COL5A3: variants seen among roughly 807,000 people sequenced by gnomAD.
COL5A3 encodes collagen alpha-3(V) chain.
COL5A3 carries 172 observed loss-of-function variants against 250.0 expected under a neutral mutation model. That is an observed-to-expected ratio of 0.69 (90% CI 0.61 to 0.78). COL5A3 has a LOEUF of 0.78. COL5A3 is among the 30% of genes least tolerant of loss of function. The probability of loss-of-function intolerance (pLI) is 0.00; values close to 1 mark genes in which losing one functional copy is unlikely to be tolerated. For synonymous variants in COL5A3, 937 were observed against 900.4 expected (o/e 1.04, Z -0.73); for missense variants, 2,340 against 2,334.4 (o/e 1.00, Z -0.05).
intron 55 of COL5A3, 43 bp from the exon 56 acceptor site, chr19:9,969,725 T>C (rs766660039): frequency 6.3e-7 from 1 of 1,581,278 alleles, no homozygotes; most frequent in Non-Finnish European, 8.6e-7. Context: ...GTCAGAGGGT[T>C]CCTGCCTCCT....
rs527263708 is a variant in COL5A3 at position 9,977,253 on chromosome 19, C to A, written c.3264G>T (p.Gly1088=). Residue 1088 remains glycine (G), a synonymous_variant, in exon 44 of 67, where the codon GGG becomes GGT. Transcript: ENST00000264828. ...CCGCGTCTCCTTTATCGCCTTTACTCCCCTTGTGTCCGGGGGCACCCACAT... is the reference window on the plus strand; with the variant it reads ...CCGCGTCTCCTTTATCGCCTTTACTACCCTTGTGTCCGGGGGCACCCACAT... ...KGDVGAPGHK[G]SKGDKGDAGP... 3.1e-5 allele frequency: 50 copies of A among 1,613,934 alleles called. No individual in the cohort carries two copies. The South Asian group carries it at 4.9e-4, about 16-fold the overall frequency.
chr19:9,975,566 G>A (rs2086907579), intron 45 of COL5A3, among the ~76,000 whole-genome samples: 1 of 152,184 alleles, frequency 6.6e-6, no homozygotes, highest in Non-Finnish European at 1.5e-5. Flanking sequence ...CCAGATTCTG[G>A]GGTTGAGTCC....
chr19:9,988,855 A>AAAAAAAAAAAAAAAGAGAGAGAGAAAG (rs1269531312), intron 27 of COL5A3, among the ~76,000 whole-genome samples: 4 of 104,718 alleles, frequency 3.8e-5, no homozygotes, highest in South Asian at 6.0e-4. Context: ...AAAAAAAAAA[A>AAAAAAAAAAAAAAAGAGAGAGAGAAAG]AAAGAAAGTA....
At chr19:9,982,258 A>G (rs777326814) in intron 31 of COL5A3, 140 bp from the exon 32 acceptor site, 3 of 594,198 alleles carry the variant, frequency 5.0e-6, no homozygotes, top group South Asian at 2.1e-5. Flanking sequence ...CCAGCCTCCT[A>G]CAAGGCAGCC....
rs3815747 is a variant in COL5A3 at position 9,968,337 on chromosome 19, G to A, written c.4314+48C>T. ...ACCCCACACCCACAGTCTCTCAACC[G>A]ACCCCCTCCTTCAAATGCATTCTTC... is the stretch of plus-strand genomic sequence containing the variant. On this transcript the variant is annotated intron_variant, in intron 59 of 66. Coordinates refer to ENST00000264828, the MANE Select transcript of COL5A3 (RefSeq NM_015719.4). The surrounding 1 kb of genome is among the most constrained non-coding windows in gnomAD (Gnocchi z 4.1). 4.4e-5 allele frequency: 57 copies of A among 1,310,118 alleles called. No individual in the cohort carries two copies. The highest frequency in any genetic ancestry group is 2.0e-4 in the Middle Eastern group (1 of 5,114). The allele number at this position is 1,310,118 out of a possible 1,614,324, so 81.2% of individuals were successfully genotyped here.
At chr19:9,962,688 G>T in intron 65 of COL5A3, 131 bp downstream of exon 65, 2 of 646,750 alleles carry the variant, frequency 3.1e-6, no homozygotes, top group Non-Finnish European at 2.7e-6. Context: ...CCCACCTCCA[G>T]CTTGCGATCC....
rs749585202 is a variant in COL5A3 at position 10,001,525 on chromosome 19, G to A, written c.1109C>T (p.Pro370Leu). 38 of 1,613,750 alleles carry A rather than the reference G, an allele frequency of 2.4e-5. No homozygotes were observed. The Admixed American group carries it at 5.2e-4, about 22-fold the overall frequency. Residue 370 changes from proline (P) to leucine (L), a missense_variant and splice_region_variant, in exon 8 of 67, where the codon CCT becomes CTT. Physicochemically the swap from Pro to Leu is moderately conservative, Grantham distance 98. This residue lies in a region of COL5A3 where 1,152 missense variants were observed against 1,146.3 expected (regional missense o/e 1.00). Transcript: ENST00000264828. Reference sequence around the variant, plus strand: ...AACCCCAGCCACCTAGAAACTCACAGGAAAGATCTGGAACTGAGTCCGAGA... The same window carrying A: ...AACCCCAGCCACCTAGAAACTCACAAGAAAGATCTGGAACTGAGTCCGAGA... ...YPSRTQFQIFPGAGEKGAKGE... is the reference protein window; with the variant it reads ...YPSRTQFQIFLGAGEKGAKGE...
chr19:9,995,950 A>T (rs1350561015), intron 15 of COL5A3, 116 bp downstream of exon 15: 1 of 1,047,008 alleles, frequency 9.6e-7, no homozygotes, highest in Admixed American at 2.6e-5. Context: ...TAGGAAAGTC[A>T]TCAATTGCAA....
chr19:9,973,083 T>C, intron 50 of COL5A3, 57 bp from the exon 51 acceptor site: 3 of 1,453,736 alleles, frequency 2.1e-6, no homozygotes, highest in Non-Finnish European at 2.8e-6. Flanking sequence ...GATCAAGGAT[T>C]AGCATACTTG....
At position 9,991,598 on chromosome 19, in the gene COL5A3, G is replaced by A; in HGVS notation, c.1992+12C>T. 6.3e-7 allele frequency: 1 copy of A among 1,583,154 alleles called. No homozygotes were observed. The highest frequency in any genetic ancestry group is 8.6e-7 in the Non-Finnish European group (1 of 1,164,180). On this transcript the variant is annotated intron_variant, in intron 24 of 66. Coordinates refer to ENST00000264828, the MANE Select transcript of COL5A3 (RefSeq NM_015719.4). Reference sequence around the variant, plus strand: ...ACTTGAGGAGGTCGCGGTAGGTGGAGCTGTCACTCACCTTCTCCCCAGGAG... The same window carrying A: ...ACTTGAGGAGGTCGCGGTAGGTGGAACTGTCACTCACCTTCTCCCCAGGAG...
Position 9,970,728 on chromosome 19 carries a change from G to C in COL5A3, c.3883-53C>G. ...GTCTCAGCTAACATTGTTTGAGCCT[G>C]ACTGTTTTAGGACGCCTTGGACCAG... On this transcript the variant is annotated intron_variant, in intron 53 of 66. Coordinates refer to ENST00000264828, the MANE Select transcript of COL5A3 (RefSeq NM_015719.4). 3 of 1,354,856 alleles carry C rather than the reference G, an allele frequency of 2.2e-6. No homozygotes were observed. In the South Asian group the frequency reaches 5.5e-5, roughly 25 times the overall value. 83.9% of individuals were successfully genotyped at this position (1,354,856 alleles called of 1,614,324 possible). A position where few individuals can be genotyped will look rare whatever the true frequency, so the allele number is the denominator to read the frequency against.
chr19:9,971,090 G>T (rs1307694387), intron 52 of COL5A3, 62 bp from the exon 53 acceptor site: 1 of 1,448,794 alleles, frequency 6.9e-7, no homozygotes, highest in African/African-American at 1.5e-5. Flanking sequence ...TTGGGATGGG[G>T]CTGGGAGGCA....
intron 54 of COL5A3, 22 bp from the exon 55 acceptor site, chr19:9,969,944 G>GC: frequency 2.7e-6 from 4 of 1,490,914 alleles, no homozygotes; most frequent in African/African-American, 2.5e-5. Context: ...AAGACAGTGA[G>GC]GGGGGTCTAG....
intron 61 of COL5A3, 75 bp downstream of exon 61, chr19:9,967,829 A>G (rs35354203): frequency 0.17 from 240,170 of 1,400,308 alleles, 23,429 homozygotes; most frequent in South Asian, 0.37. Context: ...GAAGGCAGAG[A>G]CGTGGAGGGT....
rs540600490 is a variant in COL5A3 at position 9,985,290 on chromosome 19, C to T, written c.2406+552G>A. 3.2e-3 allele frequency among the ~76,000 whole-genome samples: 431 copies of T among 136,678 alleles called. 1 individual carries two copies. Among genetic ancestry groups the T allele is most frequent in the African/African-American group, 0.011 (402 of 35,902 alleles). The allele number at this position is 136,678 out of a possible 152,430, so 89.7% of individuals were successfully genotyped here. On this transcript the variant is annotated intron_variant, in intron 31 of 66. Coordinates refer to ENST00000264828, the MANE Select transcript of COL5A3 (RefSeq NM_015719.4). The stretch of plus-strand genomic sequence containing the variant: ...TTTTTTTTTTTTTTAGATGGAGTTT[C>T]GTTCTTGTTGCCCAGGCTGGAGTGC...
Position 9,980,679 on chromosome 19 carries a change from T to C in COL5A3, c.2573A>G (p.Gln858Arg). ...GQPGPKGDVG[Q>R]DGAPGIPGEK... is the part of the protein sequence containing the mutation. ...TCCAGGGATCCCAGGGGCTCCATCC[T>C]GGCCCACATCGCCCTAGGACAGAGT... The change falls in exon 35 of 67, where the codon CAG becomes CGG. Residue 858 changes from glutamine (Q) to arginine (R), a missense_variant. By Grantham distance (43) the Gln-to-Arg change is conservative (BLOSUM62 1). Coordinates refer to ENST00000264828, the MANE Select transcript of COL5A3 (RefSeq NM_015719.4). 6.2e-7 allele frequency: 1 copy of C among 1,613,966 alleles called. No individual in the cohort carries two copies. Among genetic ancestry groups the C allele is most frequent in the African/African-American group, 1.3e-5 (1 of 74,956 alleles).
chr19:9,970,523 GT>G, intron 54 of COL5A3, 98 bp downstream of exon 54: 1 of 664,922 alleles, frequency 1.5e-6, no homozygotes. Flanking sequence ...GGTGTGTGGG[GT>G]CTGTGGGGTG....
chr19:9,966,314 G>GATCT lies in COL5A3; in HGVS notation c.4778_4781dup (p.Val1595AspfsTer17). 1 of 1,604,538 alleles carries GATCT rather than the reference G, an allele frequency of 6.2e-7. No individual in the cohort carries two copies. Among genetic ancestry groups the GATCT allele is most frequent in the South Asian group, 1.1e-5 (1 of 89,440 alleles). ...GCGATGAGAGGTTTGGGTTACTCACGATCTCAAACTTCTTGTCGGGATAGA... is the reference window on the plus strand; with the variant it reads ...GCGATGAGAGGTTTGGGTTACTCACGATCTATCTCAAACTTCTTGTCGGGATAGA... On this transcript the variant is annotated frameshift_variant and splice_region_variant, in exon 64 of 67. Coordinates refer to ENST00000264828, the MANE Select transcript of COL5A3 (RefSeq NM_015719.4). LOFTEE classifies it high-confidence loss of function.
intron 8 of COL5A3, among the ~76,000 whole-genome samples, chr19:10,000,451 TC>T: frequency 8.6e-6 from 1 of 116,034 alleles, no homozygotes; most frequent in Admixed American, 9.2e-5. Context: ...GCCAGAGAGC[TC>T]TTTTTTTTTT....
Sources: gnomAD v4.1 joint callset for allele counts (sites outside exome capture counted in the v4.1 genomes callset) on GRCh38, gnomAD v4.1.1 for gene constraint, gnomAD v4.1.1 regional missense constraint, Gnocchi (gnomAD v3.1) non-coding constraint, MANE v1.5 for transcripts, NCBI Gene and HGNC (gene_info 2026-07-23, HGNC 2026-07-21) for gene names.